Variants in TMEM19 observed in about 807,000 individuals in gnomAD.
TMEM19 encodes the protein transmembrane protein 19.
In TMEM19, 21 loss-of-function variants were observed where a neutral mutation model predicts 33.6. The observed-to-expected ratio is 0.62, with a 90% CI of 0.44 to 0.90. The LOEUF is 0.90. Among genes scored for constraint, TMEM19 ranks in the 40% least tolerant of loss-of-function variants. The probability of loss-of-function intolerance (pLI) is 0.00; values close to 1 mark genes in which losing one functional copy is unlikely to be tolerated. For missense variants in TMEM19, 402 were observed against 401.8 expected, an observed-to-expected ratio of 1.00 and a Z score of 0.00; for synonymous variants, 149 against 147.5, an observed-to-expected ratio of 1.01 and a Z score of -0.07.
intron 4 of TMEM19, among the ~76,000 whole-genome samples, chr12:71,698,532 G>A (rs940013987): frequency 6.6e-6 from 1 of 151,882 alleles, no homozygotes; most frequent in East Asian, 1.9e-4. Context: ...TGAGCCTGGA[G>A]TTGGAGGCTG....
At chr12:71,693,543 A>T (rs953843729) in intron 2 of TMEM19, among the ~76,000 whole-genome samples, 1 of 152,214 alleles carries the variant, frequency 6.6e-6, no homozygotes, top group African/African-American at 2.4e-5. Flanking sequence ...ATAGCAATGA[A>T]TTATCATGAA....
rs1881998666 is a variant in TMEM19, at chr12:71,702,615, C to T, written c.*1620C>T. 1.3e-5 allele frequency: 2 copies of T among 152,288 alleles called. No homozygotes were observed. The highest frequency in any genetic ancestry group is 4.2e-4 in the South Asian group (2 of 4,812). The allele number at this position is 152,288 out of a possible 1,614,324, so 9.4% of individuals were successfully genotyped here. ...AGATGTGAGCCACTGTGCCCAGCCACCAGGGCATGTTTTTAAAAAAGTACT... is the reference window on the plus strand; with the variant it reads ...AGATGTGAGCCACTGTGCCCAGCCATCAGGGCATGTTTTTAAAAAAGTACT... On this transcript the variant is annotated 3_prime_UTR_variant, in exon 6 of 6. Coordinates refer to ENST00000266673, the MANE Select transcript of TMEM19 (RefSeq NM_018279.4).
chr12:71,696,720 C>T (rs1459226379), intron 3 of TMEM19, 147 bp downstream of exon 3: 12 of 637,812 alleles, frequency 1.9e-5, no homozygotes, highest in African/African-American at 7.6e-5. Context: ...AATCTCGGCT[C>T]GCTGTAAGCT....
At chr12:71,698,661 A>G (rs1270057331) in intron 4 of TMEM19, among the ~76,000 whole-genome samples, 2 of 142,874 alleles carry the variant, frequency 1.4e-5, no homozygotes, top group Non-Finnish European at 3.1e-5. Context: ...GAGAGAGAGA[A>G]GCAGAACCAA....
intron 3 of TMEM19, among the ~76,000 whole-genome samples, chr12:71,696,851 A>G (rs2137597461): frequency 6.6e-6 from 1 of 152,064 alleles, no homozygotes; most frequent in Non-Finnish European, 1.5e-5. Context: ...GTTTCACCGT[A>G]TTAGCCAGGA....
chr12:71,695,430 G>T (rs1881854762), intron 2 of TMEM19, among the ~76,000 whole-genome samples: 1 of 151,974 alleles, frequency 6.6e-6, no homozygotes, highest in South Asian at 2.1e-4. Flanking sequence ...AGGAGGAGGG[G>T]AGACACTTTG....
In TMEM19 at chr12:71,701,390, G is replaced by A. The variant is rs979778634; in HGVS notation, c.*395G>A. On this transcript the variant is annotated 3_prime_UTR_variant, in exon 6 of 6. Transcript: ENST00000266673. ...TTTAAAATAGTTCTCAGTTGAAGCA[G>A]AGAAATGCCACTGTGCTAGTTGCCC... The A allele has an allele frequency of 1.9e-5, 3 of 155,760 alleles. No homozygotes were observed. Among genetic ancestry groups the A allele is most frequent in the African/African-American group, 7.2e-5 (3 of 41,504 alleles). The allele number at this position is 155,760 out of a possible 1,614,324, so 9.6% of individuals were successfully genotyped here.
At chr12:71,693,213 T>A (rs1484861439) in intron 2 of TMEM19, among the ~76,000 whole-genome samples, 1 of 151,474 alleles carries the variant, frequency 6.6e-6, no homozygotes, top group Non-Finnish European at 1.5e-5. Flanking sequence ...AATTTTTTTT[T>A]AGAGGCAGGG....
chr12:71,693,773 G>A (rs575754074), intron 2 of TMEM19, among the ~76,000 whole-genome samples: 14 of 152,200 alleles, frequency 9.2e-5, no homozygotes, highest in Admixed American at 3.9e-4. Flanking sequence ...GGTCTTTCCC[G>A]TGCTGTTCTC....
chr12:71,691,023 G>T (rs2137593042), intron 2 of TMEM19, among the ~76,000 whole-genome samples: 1 of 152,232 alleles, frequency 6.6e-6, no homozygotes, highest in South Asian at 2.1e-4. Context: ...GGCTCCACAA[G>T]GCCTGGATCT....
chr12:71,700,085 A>G (rs1235136943), intron 5 of TMEM19, among the ~76,000 whole-genome samples: 1 of 152,052 alleles, frequency 6.6e-6, no homozygotes, highest in East Asian at 1.9e-4. Flanking sequence ...TGCCTCAGAA[A>G]ATCTATGTGC....
In TMEM19 at chr12:71,686,108, GGCGGGGGCGCCGGGAGGC is replaced by G. The variant is rs1298814831; in HGVS notation, c.-567_-550del. The G allele has an allele frequency of 6.3e-6, 1 of 158,798 alleles. No individual in the cohort carries two copies. Among genetic ancestry groups the G allele is most frequent in the Admixed American group, 6.5e-5 (1 of 15,308 alleles). The allele number at this position is 158,798 out of a possible 1,614,324, so 9.8% of individuals were successfully genotyped here. A position where few individuals can be genotyped will look rare whatever the true frequency, so the allele number is the denominator to read the frequency against. ...TGCCCACAGCGGGCGAGGCGCTAGA[GGCGGGGGCGCCGGGAGGC>G]GCGGGCTTTGCTCCTGGGGTCTCGG... On this transcript the variant is annotated 5_prime_UTR_variant, in exon 1 of 6. Coordinates refer to ENST00000266673, the MANE Select transcript of TMEM19 (RefSeq NM_018279.4).
rs762313903 is a variant in TMEM19, at chr12:71,700,884, G to A, written c.900G>A (p.Arg300=). ...TCAACAGCCCAACAAATAAGGCAAG[G>A]CACATAGCAGGGAAACCCATTCTTG... ...MVVNSPTNKA[R]HIAGKPILDN... The change falls in exon 6 of 6, where the codon AGG becomes AGA. Residue 300 remains arginine, a synonymous_variant. Coordinates refer to ENST00000266673, the MANE Select transcript of TMEM19 (RefSeq NM_018279.4). 1.6e-5 allele frequency: 26 copies of A among 1,613,360 alleles called. 1 individual carries two copies. The South Asian group carries it at 2.5e-4, about 16-fold the overall frequency.
chr12:71,687,621 A>G (rs759702749), intron 1 of TMEM19, among the ~76,000 whole-genome samples: 2 of 152,206 alleles, frequency 1.3e-5, no homozygotes. Flanking sequence ...ATAAGAATTA[A>G]AAACGGTATA....
Position 71,696,494 on chromosome 12 carries a change from G to A in TMEM19, c.303G>A (p.Leu101=). ...IANFSFFTSL[L]MFFLSSSKLT... ...ATTTCAGCTTTTTTACCTCTTTGCT[G>A]ATGTTTTTCTTGTCTTCTTCGAAAC... Residue 101 remains leucine, a synonymous_variant, in exon 3 of 6, where the codon CTG becomes CTA. Coordinates refer to ENST00000266673, the MANE Select transcript of TMEM19 (RefSeq NM_018279.4). 1.2e-6 allele frequency: 2 copies of A among 1,612,766 alleles called. No homozygotes were observed. The highest frequency in any genetic ancestry group is 1.7e-6 in the Non-Finnish European group (2 of 1,179,256).
rs376179328 is a variant in TMEM19, at chr12:71,689,652, C to T, written c.192C>T (p.Ile64=). The part of the protein sequence containing the change: ...WLFSVVVPVL[I]VSNGLKKKSL... Reference sequence around the variant, plus strand: ...TTTCTGTTGTTGTTCCTGTTCTGATCGTCTCTAATGGCCTTAAAAAGAAAA... The same window carrying T: ...TTTCTGTTGTTGTTCCTGTTCTGATTGTCTCTAATGGCCTTAAAAAGAAAA... The change falls in exon 2 of 6, where the codon ATC becomes ATT. Residue 64 remains isoleucine (I), a synonymous_variant. Coordinates refer to ENST00000266673, the MANE Select transcript of TMEM19 (RefSeq NM_018279.4). 10 of 1,613,908 alleles carry T rather than the reference C, an allele frequency of 6.2e-6. No homozygotes were observed. In the African/African-American group the frequency reaches 1.1e-4, roughly 17 times the overall value.
intron 5 of TMEM19, chr12:71,699,933 C>T (rs1378891338): frequency 1.3e-5 from 2 of 152,218 alleles, no homozygotes; most frequent in African/African-American, 4.8e-5. Flanking sequence ...GCTCTCCCAT[C>T]CTATCAGTGT....
Position 71,686,443 on chromosome 12 carries a change from C to A in TMEM19, c.-238C>A. ...CCGGCGACCGGCCCTCACCGTCCGC[C>A]GGGTTGCGCTCTGCTTTTGCGGTGA... On this transcript the variant is annotated 5_prime_UTR_variant, in exon 1 of 6. Coordinates refer to ENST00000266673, the MANE Select transcript of TMEM19 (RefSeq NM_018279.4). The A allele has an allele frequency of 2.7e-6, 1 of 376,138 alleles. No individual in the cohort carries two copies. Among genetic ancestry groups the A allele is most frequent in the Non-Finnish European group, 4.7e-6 (1 of 211,748 alleles). The allele number at this position is 376,138 out of a possible 1,614,324, so 23.3% of individuals were successfully genotyped here.
rs1882026326 is a variant in TMEM19 at position 71,703,792 on chromosome 12, G to A, written c.*2797G>A. On this transcript the variant is annotated 3_prime_UTR_variant, in exon 6 of 6. Coordinates refer to ENST00000266673, the MANE Select transcript of TMEM19 (RefSeq NM_018279.4). ...CATAAAGAGCCTCAGATCAAGTTTG[G>A]TCAGGTTTTGTCACCAAGCTTTGTA... 4.1e-6 allele frequency: 1 copy of A among 244,066 alleles called. No homozygotes were observed. The highest frequency in any genetic ancestry group is 4.7e-5 in the Admixed American group (1 of 21,444). 15.1% of individuals were successfully genotyped at this position (244,066 alleles called of 1,614,324 possible). A position where few individuals can be genotyped will look rare whatever the true frequency, so the allele number is the denominator to read the frequency against.
Sources: allele counts gnomAD v4.1 joint callset (sites outside exome capture counted in the v4.1 genomes callset), GRCh38; gene constraint gnomAD v4.1.1; transcripts MANE v1.5; gene names NCBI Gene and HGNC (gene_info 2026-07-23, HGNC 2026-07-21).